ZBTB1: variants seen among roughly 807,000 people sequenced by gnomAD.
ZBTB1 encodes the protein zinc finger and BTB domain containing 1.
In ZBTB1, 13 loss-of-function variants were observed where a neutral mutation model predicts 51.6. The observed-to-expected ratio is 0.25, with a 90% CI of 0.16 to 0.40. The LOEUF (loss-of-function observed/expected upper bound fraction) is 0.40. Ranked by LOEUF, ZBTB1 falls within the 10% of genes least tolerant of loss-of-function variation. The pLI is 1.00. For missense variants in ZBTB1, 567 were observed against 856.5 expected (o/e 0.66, Z 4.22); for synonymous variants, 240 against 282.2 (o/e 0.85, Z 1.50).
chr14:64,513,148 A>G (rs1330941388), intron 1 of ZBTB1, among the ~76,000 whole-genome samples: 2 of 152,142 alleles, frequency 1.3e-5, no homozygotes, highest in African/African-American at 4.8e-5. Flanking sequence ...ACATACACAG[A>G]TATGCACACA....
chr14:64,524,626 A>T lies in ZBTB1; in HGVS notation c.*980A>T. Reference sequence around the variant, plus strand: ...CCATGTATATTGATAAATCTAATAAAATAAAGAGATCAATTATAAACCTGG... The same window carrying T: ...CCATGTATATTGATAAATCTAATAATATAAAGAGATCAATTATAAACCTGG... On this transcript the variant is annotated 3_prime_UTR_variant, in exon 2 of 2. Coordinates refer to ENST00000683701, the MANE Select transcript of ZBTB1 (RefSeq NM_001123329.2). The T allele has an allele frequency of 1.0e-6, 1 of 982,942 alleles. No individual in the cohort carries two copies. Among genetic ancestry groups the T allele is most frequent in the Non-Finnish European group, 1.2e-6 (1 of 827,756 alleles). The allele number at this position is 982,942 out of a possible 1,614,324, so 60.9% of individuals were successfully genotyped here.
At chr14:64,507,589 T>G (rs1056095781) in intron 1 of ZBTB1, among the ~76,000 whole-genome samples, 39 of 152,194 alleles carry the variant, frequency 2.6e-4, no homozygotes, top group African/African-American at 9.4e-4. Flanking sequence ...CATGGACTCA[T>G]GTTCTCTGTT....
At chr14:64,511,029 C>A (rs188805796) in intron 1 of ZBTB1, among the ~76,000 whole-genome samples, 1 of 152,242 alleles carries the variant, frequency 6.6e-6, no homozygotes, top group East Asian at 1.9e-4. Context: ...TTATAGGTAG[C>A]TCCCAAGTAG....
chr14:64,520,048 C>T (rs1397191394), intron 1 of ZBTB1, among the ~76,000 whole-genome samples: 2 of 152,088 alleles, frequency 1.3e-5, no homozygotes, highest in Non-Finnish European at 2.9e-5. Flanking sequence ...GTCGCCCAGG[C>T]TGGAGTGCAG....
In ZBTB1 at chr14:64,521,514, C is replaced by T. The variant is rs932363469; in HGVS notation, c.10C>T (p.Pro4Ser). The change falls in exon 2 of 2, where the codon CCC (proline) becomes TCC (serine). Residue 4 changes from proline to serine, a missense_variant. By Grantham distance (74) the Pro-to-Ser change is moderately conservative. This residue lies in a region of ZBTB1 where 69 missense variants were observed against 136.4 expected (regional missense o/e 0.51). Coordinates refer to ENST00000683701, the MANE Select transcript of ZBTB1 (RefSeq NM_001123329.2). ...CTCTAATTAACAGAAGATGGCAAAG[C>T]CCAGCCACAGCAGCTATGTCCTTCA... MAK[P>S]SHSSYVLQQL... is the part of the protein sequence containing the mutation. 4 of 1,602,598 alleles carry T rather than the reference C, an allele frequency of 2.5e-6. No individual in the cohort carries two copies. Among genetic ancestry groups the T allele is most frequent in the African/African-American group, 1.3e-5 (1 of 74,334 alleles).
At position 64,519,149 on chromosome 14, in the gene ZBTB1, C is replaced by CTT. The variant is rs546867054; in HGVS notation, c.-18-2323_-18-2322dup. Reference sequence around the variant, plus strand: ...GCCTCTATGTTTGAATTTTTTGCTACTTTTTTTTTTTTTTTTGAGATGGAG... The same window carrying CTT: ...GCCTCTATGTTTGAATTTTTTGCTACTTTTTTTTTTTTTTTTTTGAGATGGAG... On this transcript the variant is annotated intron_variant, in intron 1 of 1. Coordinates refer to ENST00000683701, the MANE Select transcript of ZBTB1 (RefSeq NM_001123329.2). Among the ~76,000 whole-genome samples, 780 of 133,168 alleles carry CTT rather than the reference C, an allele frequency of 5.9e-3. 14 individuals carry two copies. Among genetic ancestry groups the CTT allele is most frequent in the African/African-American group, 0.02 (732 of 35,976 alleles). 87.4% of individuals were successfully genotyped at this position (133,168 alleles called of 152,430 possible). A position where few individuals can be genotyped will look rare whatever the true frequency, so the allele number is the denominator to read the frequency against.
Position 64,522,959 on chromosome 14 carries a change from G to C in ZBTB1, c.1455G>C (p.Glu485Asp). The C allele has an allele frequency of 1.2e-6, 2 of 1,614,182 alleles. No individual in the cohort carries two copies. Among genetic ancestry groups the C allele is most frequent in the Non-Finnish European group, 1.7e-6 (2 of 1,180,036 alleles). ...CCATGAATGGGTTAGGAAATACTGA[G>C]GAGAAAATGGACTTGGAAGAGAATC... ...DLTMNGLGNTEEKMDLEENPD... is the reference protein window; with the variant it reads ...DLTMNGLGNTDEKMDLEENPD... The change falls in exon 2 of 2, where the codon GAG (glutamate) becomes GAC (aspartate). Residue 485 changes from glutamate to aspartate, a missense_variant. This residue lies in a region of ZBTB1 where 329 missense variants were observed against 406.3 expected (regional missense o/e 0.81). Transcript: ENST00000683701.
At chr14:64,509,997 G>C (rs1369812882) in intron 1 of ZBTB1, among the ~76,000 whole-genome samples, 1 of 140,372 alleles carries the variant, frequency 7.1e-6, no homozygotes, top group Non-Finnish European at 1.6e-5. Context: ...AAAAAAAAAA[G>C]TGTAGGATCT....
At chr14:64,513,726 A>G (rs2079750685) in intron 1 of ZBTB1, among the ~76,000 whole-genome samples, 1 of 152,080 alleles carries the variant, frequency 6.6e-6, no homozygotes, top group Non-Finnish European at 1.5e-5. Flanking sequence ...CAGTGGCTCA[A>G]TCTCAGTTCA....
chr14:64,509,663 A>AT (rs946405480), intron 1 of ZBTB1, among the ~76,000 whole-genome samples: 2 of 151,990 alleles, frequency 1.3e-5, no homozygotes, highest in South Asian at 2.1e-4. Context: ...AAACAATACA[A>AT]TTTTTTTTAA....
At chr14:64,516,883 A>G (rs2079792157) in intron 1 of ZBTB1, 1 of 152,256 alleles carries the variant, frequency 6.6e-6, no homozygotes, top group African/African-American at 2.4e-5. Flanking sequence ...GACTATAGCT[A>G]TAGATGTGCC....
upstream of ZBTB1, chr14:64,503,790 A>G (rs2079579427): frequency 1.6e-5 from 3 of 185,038 alleles, no homozygotes; most frequent in African/African-American, 2.4e-5. Context: ...CCGCGCCGGC[A>G]GCCCGCGATG....
rs772139281 is a variant in ZBTB1, at chr14:64,523,479, G to C, written c.1975G>C (p.Ala659Pro). 21 of 1,613,594 alleles carry C rather than the reference G, an allele frequency of 1.3e-5. No homozygotes were observed. In the African/African-American group the frequency reaches 2.5e-4, roughly 19 times the overall value. Reference sequence around the variant, plus strand: ...ACGGCATATGATTTCTCATTTATCTGCTGGTGAGACTATATGCCAGGTCTG... The same window carrying C: ...ACGGCATATGATTTCTCATTTATCTCCTGGTGAGACTATATGCCAGGTCTG... ...HVRHMISHLS[A>P]GETICQVCFQ... The change falls in exon 2 of 2, where the codon GCT (alanine) becomes CCT (proline). Residue 659 changes from alanine (A) to proline (P), a missense_variant. Transcript: ENST00000683701. The surrounding 1 kb of genome is among the most constrained non-coding windows in gnomAD (Gnocchi z 4.5).
At chr14:64,507,631 T>C (rs2140081328) in intron 1 of ZBTB1, among the ~76,000 whole-genome samples, 1 of 152,266 alleles carries the variant, frequency 6.6e-6, no homozygotes, top group East Asian at 1.9e-4. Flanking sequence ...AATTGCCAGG[T>C]AGAGGAAAGG....
chr14:64,509,799 G>A (rs1314410270), intron 1 of ZBTB1, among the ~76,000 whole-genome samples: 2 of 151,204 alleles, frequency 1.3e-5, no homozygotes, highest in African/African-American at 2.4e-5. Flanking sequence ...GTGAAACCCC[G>A]TCTCTACTAA....
At position 64,524,444 on chromosome 14, in the gene ZBTB1, TTTTAA is replaced by T; in HGVS notation, c.*804_*808del. On this transcript the variant is annotated 3_prime_UTR_variant, in exon 2 of 2. Transcript: ENST00000683701. ...ACATATCTTGTATTCATTAAAAATA[TTTTAA>T]TTTAAAATATTCTGATTTCTAAAGT... 1 of 800,080 alleles carries T rather than the reference TTTTAA, an allele frequency of 1.2e-6. No homozygotes were observed. The highest frequency in any genetic ancestry group is 1.5e-6 in the Non-Finnish European group (1 of 661,108). The allele number at this position is 800,080 out of a possible 1,614,324, so 49.6% of individuals were successfully genotyped here.
rs1167696335 is a variant in ZBTB1, at chr14:64,505,038, G to A, written c.-19+92G>A. ...GGGCCTGGCGGAGTGCGGGGCCGGA[G>A]GGGCGCCGATCCGTGCGGGGAGCCG... On this transcript the variant is annotated intron_variant, in intron 1 of 1. Transcript: ENST00000683701. 1.1e-5 allele frequency: 4 copies of A among 379,192 alleles called. No individual in the cohort carries two copies. The East Asian group carries it at 1.5e-4, about 14-fold the overall frequency. 23.5% of individuals were successfully genotyped at this position (379,192 alleles called of 1,614,324 possible). A position where few individuals can be genotyped will look rare whatever the true frequency, so the allele number is the denominator to read the frequency against.
chr14:64,525,976 C>A (rs960062487), downstream of ZBTB1, among the ~76,000 whole-genome samples: 1 of 152,036 alleles, frequency 6.6e-6, no homozygotes, highest in Admixed American at 6.6e-5. Context: ...CATGCCACCA[C>A]GCCCGGCTAA....
In ZBTB1 at chr14:64,523,795, T is replaced by C. The variant is rs1293646286; in HGVS notation, c.*149T>C. 1.5e-6 allele frequency: 2 copies of C among 1,356,144 alleles called. No homozygotes were observed. The highest frequency in any genetic ancestry group is 1.9e-6 in the Non-Finnish European group (2 of 1,045,746). The allele number at this position is 1,356,144 out of a possible 1,614,324, so 84.0% of individuals were successfully genotyped here. ...ACTTTAATATTTTTGTTTAGGATTTTAAGTATCTACATTTAGGTATTAAAT... is the reference window on the plus strand; with the variant it reads ...ACTTTAATATTTTTGTTTAGGATTTCAAGTATCTACATTTAGGTATTAAAT... On this transcript the variant is annotated 3_prime_UTR_variant, in exon 2 of 2. Transcript: ENST00000683701. This position sits in a 1 kb window ranked among gnomAD's most constrained non-coding sequence, Gnocchi z 4.5.
Sources: gnomAD v4.1 joint callset for allele counts (sites outside exome capture counted in the v4.1 genomes callset) on GRCh38, gnomAD v4.1.1 for gene constraint, gnomAD v4.1.1 regional missense constraint, Gnocchi (gnomAD v3.1) non-coding constraint, MANE v1.5 for transcripts, NCBI Gene and HGNC (gene_info 2026-07-23, HGNC 2026-07-21) for gene names.